Variants in MEIOC observed in about 807,000 individuals in gnomAD.
MEIOC encodes the protein meiosis specific with coiled-coil domain, also known as meiosis-specific coiled-coil domain-containing protein MEIOC.
Under a neutral mutation model 85.3 loss-of-function variants are expected in MEIOC, and 9 were observed. The observed-to-expected ratio is 0.11, with a 90% CI of 0.06 to 0.18. MEIOC has a LOEUF of 0.18. Ranked by LOEUF, MEIOC falls within the 10% of genes least tolerant of loss-of-function variation. The pLI is 1.00. For synonymous variants in MEIOC, 365 were observed against 393.7 expected, an observed-to-expected ratio of 0.93 and a Z score of 0.86; for missense variants, 898 against 1,129.4, an observed-to-expected ratio of 0.80 and a Z score of 2.94.
Position 44,662,372 on chromosome 17 carries a change from A to G in MEIOC, c.260A>G (p.Tyr87Cys), listed in dbSNP as rs756745195. ...TATACTCCATTTTCTTCAACAGAAT[A>G]TTCAAGTTCTGTAGATTCTTCACTT... ...QTYTPFSSTEYSSSVDSSLFC... is the reference protein window; with the variant it reads ...QTYTPFSSTECSSSVDSSLFC... The change falls in exon 3 of 8, where the codon TAT (tyrosine) becomes TGT (cysteine). Residue 87 changes from tyrosine to cysteine, a missense_variant. Physicochemically the swap from Tyr to Cys is radical, Grantham distance 194 (BLOSUM62 -2). This residue lies in a region of MEIOC where 734 missense variants were observed against 860.1 expected (regional missense o/e 0.85). Coordinates refer to ENST00000409122, the MANE Select transcript of MEIOC (RefSeq NM_001145080.3). 9 of 1,548,126 alleles carry G rather than the reference A, an allele frequency of 5.8e-6. No homozygotes were observed. In the South Asian group the frequency reaches 1.1e-4, roughly 18 times the overall value.
At chr17:44,672,141 C>T (rs901523523) in intron 6 of MEIOC, among the ~76,000 whole-genome samples, 1 of 151,914 alleles carries the variant, frequency 6.6e-6, no homozygotes, top group African/African-American at 2.4e-5. Flanking sequence ...CCACCACACC[C>T]GACTAATTTT....
chr17:44,670,990 T>G (rs933873264), intron 6 of MEIOC: 1 of 152,086 alleles, frequency 6.6e-6, no homozygotes, highest in African/African-American at 2.4e-5. Flanking sequence ...TTTTTGACCT[T>G]CCTCTCTTAA....
chr17:44,666,174 A>G (rs953371464), intron 4 of MEIOC, among the ~76,000 whole-genome samples: 8 of 152,198 alleles, frequency 5.3e-5, no homozygotes, highest in Non-Finnish European at 8.8e-5. Flanking sequence ...ATTAAAATGC[A>G]TATTTATGTA....
intron 6 of MEIOC, chr17:44,670,351 G>A (rs550310143): frequency 1.3e-5 from 2 of 151,010 alleles, no homozygotes; most frequent in East Asian, 3.9e-4. Context: ...TAATTTAAAT[G>A]GTTCCTCTTG....
At chr17:44,665,162 A>T in intron 3 of MEIOC, 1 of 1,074,006 alleles carries the variant, frequency 9.3e-7, no homozygotes, top group Non-Finnish European at 1.1e-6. Flanking sequence ...TAAGTTAGAT[A>T]TAGGATTTGA....
Position 44,667,228 on chromosome 17 carries a change from A to G in MEIOC, c.1317A>G (p.Thr439=), listed in dbSNP as rs1469632010. Residue 439 remains threonine (T), a synonymous_variant, in exon 5 of 8, where the codon ACA becomes ACG. Coordinates refer to ENST00000409122, the MANE Select transcript of MEIOC (RefSeq NM_001145080.3). ...ACPANDFANV[T]EKQQFAKPDP... ...CCGCTAATGATTTTGCTAACGTCAC[A>G]GAAAAGCAACAGTTTGCTAAACCTG... The G allele has an allele frequency of 1.2e-6, 2 of 1,613,794 alleles. No individual in the cohort carries two copies. Among genetic ancestry groups the G allele is most frequent in the African/African-American group, 2.7e-5 (2 of 74,948 alleles).
At chr17:44,663,733 A>C (rs1400034614) in intron 3 of MEIOC, among the ~76,000 whole-genome samples, 1 of 152,112 alleles carries the variant, frequency 6.6e-6, no homozygotes, top group African/African-American at 2.4e-5. Flanking sequence ...TTTTTTTTAG[A>C]TATATACTAA....
chr17:44,657,625 C>T (rs1336004202), intron 2 of MEIOC, among the ~76,000 whole-genome samples: 4 of 145,404 alleles, frequency 2.8e-5, no homozygotes, highest in African/African-American at 1.0e-4. Flanking sequence ...GCGATCTCGG[C>T]TCACCTCAAC....
At chr17:44,672,469 G>A (rs535640224) in intron 6 of MEIOC, among the ~76,000 whole-genome samples, 4 of 152,216 alleles carry the variant, frequency 2.6e-5, no homozygotes, top group Non-Finnish European at 4.4e-5. Flanking sequence ...AACTTAATAC[G>A]AGTTTGAGGT....
intron 5 of MEIOC, 99 bp downstream of exon 5, chr17:44,668,332 T>C: frequency 3.6e-6 from 4 of 1,121,376 alleles, no homozygotes; most frequent in Non-Finnish European, 5.0e-6. Context: ...GCCTTATTTC[T>C]TTTTGCTTTA....
At chr17:44,677,020 A>G (rs957206725), downstream of MEIOC, 3 of 884,170 alleles carry the variant, frequency 3.4e-6, no homozygotes, top group African/African-American at 5.4e-5. Context: ...GACTACTAAC[A>G]AATTGAAACA....
In MEIOC at chr17:44,674,515, A is replaced by C; in HGVS notation, c.*319A>C. On this transcript the variant is annotated 3_prime_UTR_variant, in exon 8 of 8. Coordinates refer to ENST00000409122, the MANE Select transcript of MEIOC (RefSeq NM_001145080.3). ...CCATGCAGGTAAATGCAAATGTGAAATTCTTCTAGGAGATAAATTTCATTT... is the reference window on the plus strand; with the variant it reads ...CCATGCAGGTAAATGCAAATGTGAACTTCTTCTAGGAGATAAATTTCATTT... The C allele has an allele frequency of 9.6e-7, 1 of 1,045,696 alleles. No homozygotes were observed. 64.8% of individuals were successfully genotyped at this position (1,045,696 alleles called of 1,614,324 possible). A position where few individuals can be genotyped will look rare whatever the true frequency, so the allele number is the denominator to read the frequency against.
intron 6 of MEIOC, among the ~76,000 whole-genome samples, chr17:44,671,547 CA>C (rs201226549): frequency 0.011 from 1,211 of 112,542 alleles, 9 homozygotes; most frequent in Admixed American, 0.024. Flanking sequence ...GACCCTGTCT[CA>C]AAAAAAAAAA....
rs1346420902 is a variant in MEIOC at position 44,667,110 on chromosome 17, A to T, written c.1199A>T (p.His400Leu). ...QNFTFPKTTPHLTEKQFAKEA... is the reference protein window; with the variant it reads ...QNFTFPKTTPLLTEKQFAKEA... ...TTCACATTTCCAAAAACTACGCCAC[A>T]TCTGACAGAGAAACAGTTTGCAAAG... Residue 400 changes from histidine (H) to leucine (L), a missense_variant, in exon 5 of 8, where the codon CAT becomes CTT. Physicochemically the swap from His to Leu is moderately conservative, Grantham distance 99. Transcript: ENST00000409122. 2 of 1,613,754 alleles carry T rather than the reference A, an allele frequency of 1.2e-6. No homozygotes were observed. The highest frequency in any genetic ancestry group is 1.7e-6 in the Non-Finnish European group (2 of 1,179,848).
Position 44,669,369 on chromosome 17 carries a change from G to A in MEIOC, c.2323-14G>A, listed in dbSNP as rs762552520. ...AGAAAATTCTACATCTAAAAAGTAT[G>A]TAATTTTTTACAGACTGAATTAGCC... On this transcript the variant is annotated splice_polypyrimidine_tract_variant and intron_variant, in intron 5 of 7. Transcript: ENST00000409122. 9 of 1,548,616 alleles carry A rather than the reference G, an allele frequency of 5.8e-6. No homozygotes were observed. Among genetic ancestry groups the A allele is most frequent in the Non-Finnish European group, 7.9e-6 (9 of 1,144,622 alleles).
Position 44,667,578 on chromosome 17 carries a change from T to C in MEIOC, c.1667T>C (p.Ile556Thr), listed in dbSNP as rs1379186073. 2.5e-6 allele frequency: 4 copies of C among 1,613,796 alleles called. No homozygotes were observed. Among genetic ancestry groups the C allele is most frequent in the Non-Finnish European group, 3.4e-6 (4 of 1,179,812 alleles). Residue 556 changes from isoleucine to threonine, a missense_variant, in exon 5 of 8, where the codon ATC becomes ACC. By Grantham distance (89) the Ile-to-Thr change is moderately conservative. Around this residue, in one of 2 missense-constraint regions of MEIOC, gnomAD observed 734 missense variants for 860.1 expected, o/e 0.85. Transcript: ENST00000409122. ...FDFSYSGAER[I>T]QSVNHIEGLT... Reference sequence around the variant, plus strand: ...TTTAGTTACAGTGGTGCAGAAAGAATCCAATCTGTCAATCACATAGAAGGA... The same window carrying C: ...TTTAGTTACAGTGGTGCAGAAAGAACCCAATCTGTCAATCACATAGAAGGA...
chr17:44,663,268 TTGATGATGATGATGA>T (rs10638687), intron 3 of MEIOC, among the ~76,000 whole-genome samples: 1 of 147,888 alleles, frequency 6.8e-6, no homozygotes, highest in South Asian at 2.2e-4. Context: ...CTTTATAATC[TTGATGATGATGATGA>T]TGATGATGAT....
chr17:44,665,366 G>T lies in MEIOC; in HGVS notation c.360-18G>T. On this transcript the variant is annotated intron_variant, in intron 3 of 7. Transcript: ENST00000409122. ...TAATCAATATATTGTATTTCAGCACGAATTCATTTATTTTTAGGATTCAAA... is the reference window on the plus strand; with the variant it reads ...TAATCAATATATTGTATTTCAGCACTAATTCATTTATTTTTAGGATTCAAA... 6.8e-7 allele frequency: 1 copy of T among 1,467,532 alleles called. No individual in the cohort carries two copies. The highest frequency in any genetic ancestry group is 1.3e-5 in the South Asian group (1 of 75,740). The allele number at this position is 1,467,532 out of a possible 1,614,324, so 90.9% of individuals were successfully genotyped here.
chr17:44,667,868 G>A lies in MEIOC; in HGVS notation c.1957G>A (p.Asp653Asn). ...HSNSHRTRGG[D>N]NSRVNRTQVS... ...TAATAGCCACAGAACGAGAGGTGGA[G>A]ACAATAGCCGTGTGAATCGCACACA... Residue 653 changes from aspartate (D) to asparagine (N), a missense_variant, in exon 5 of 8, where the codon GAC becomes AAC. Asp to Asn is a conservative substitution (Grantham distance 23, BLOSUM62 1). This residue lies in a region of MEIOC where 734 missense variants were observed against 860.1 expected (regional missense o/e 0.85). Transcript: ENST00000409122. 1 of 1,614,000 alleles carries A rather than the reference G, an allele frequency of 6.2e-7. No homozygotes were observed. Among genetic ancestry groups the A allele is most frequent in the Non-Finnish European group, 8.5e-7 (1 of 1,179,872 alleles).
Sources: gnomAD v4.1 joint callset for allele counts (sites outside exome capture counted in the v4.1 genomes callset) on GRCh38, gnomAD v4.1.1 for gene constraint, gnomAD v4.1.1 regional missense constraint, MANE v1.5 for transcripts, NCBI Gene and HGNC (gene_info 2026-07-23, HGNC 2026-07-21) for gene names.